The following CIITA variants were observed in gnomAD, a reference collection of about 807,000 sequenced individuals.
CIITA encodes the protein class II major histocompatibility complex transactivator, also known as MHC class II transactivator.
Under a neutral mutation model 115.1 loss-of-function variants are expected in CIITA, and 72 were observed. The ratio of observed to expected loss-of-function variants is 0.63; its 90% CI spans 0.52 to 0.76. The LOEUF is 0.76. Among genes scored for constraint, CIITA ranks in the 30% least tolerant of loss-of-function variants. CIITA has a pLI of 0.00. For synonymous variants in CIITA, 763 were observed against 635.6 expected (o/e 1.20, Z -3.02); for missense variants, 1,617 against 1,463.8 (o/e 1.10, Z -1.71).
intron 3 of CIITA, among the ~76,000 whole-genome samples, chr16:10,897,397 C>T (rs373692697): frequency 2.0e-5 from 3 of 152,194 alleles, no homozygotes; most frequent in Non-Finnish European, 4.4e-5. Flanking sequence ...AATCCATGAA[C>T]GGATTAACCC....
chr16:10,874,756 C>A (rs1216925234), upstream of CIITA, among the ~76,000 whole-genome samples: 1 of 152,070 alleles, frequency 6.6e-6, no homozygotes, highest in Non-Finnish European at 1.5e-5. Context: ...CTGCAGTCAC[C>A]CAGGTGAGAG....
chr16:10,938,801 T>C (rs1004337072), downstream of CIITA: 4 of 152,152 alleles, frequency 2.6e-5, no homozygotes, highest in African/African-American at 7.2e-5. This position sits in a 1 kb window ranked among gnomAD's most constrained non-coding sequence, Gnocchi z 4.9. Flanking sequence ...TTTGCAAGGG[T>C]GTCCCTGAGA....
chr16:10,909,078 G>T lies in CIITA; in HGVS notation c.2707G>T (p.Gly903Trp). ...GCTGTGGGAGTCCCTGCAGCAGCAT[G>T]GGGAGACCAAGCTACTTCAGGCAGC... ...VALWESLQQH[G>W]ETKLLQAAEE... The change falls in exon 12 of 20, where the codon GGG (glycine) becomes TGG (tryptophan). Residue 903 changes from glycine to tryptophan, a missense_variant. Transcript: ENST00000324288. 6.2e-7 allele frequency: 1 copy of T among 1,613,906 alleles called. No homozygotes were observed. The highest frequency in any genetic ancestry group is 8.5e-7 in the Non-Finnish European group (1 of 1,179,784).
At chr16:10,922,086 TG>T in intron 16 of CIITA, 80 bp from the exon 17 acceptor site, 1 of 1,271,770 alleles carries the variant, frequency 7.9e-7, no homozygotes, top group Non-Finnish European at 1.2e-6. Flanking sequence ...AGGCTTTTTC[TG>T]GAATCTAGGG....
chr16:10,871,292 C>T (rs760315198), intron 1 of CIITA, among the ~76,000 whole-genome samples: 42 of 152,166 alleles, frequency 2.8e-4, no homozygotes, highest in Non-Finnish European at 4.9e-4. Context: ...ACAAGCCCAA[C>T]GTGCATGGTG....
intron 1 of CIITA, among the ~76,000 whole-genome samples, chr16:10,880,436 C>A (rs994709929): frequency 2.0e-5 from 3 of 152,234 alleles, no homozygotes; most frequent in African/African-American, 4.8e-5. Context: ...TACTCTCTCC[C>A]TGTTACAAAA....
intron 15 of CIITA, chr16:10,916,964 G>C (rs1445244616): frequency 7.7e-6 from 2 of 259,956 alleles, no homozygotes; most frequent in Non-Finnish European, 1.5e-5. Context: ...TTCTAGTGAG[G>C]AGACACAATG....
chr16:10,923,124 C>T lies in CIITA; in HGVS notation c.3318-104C>T, dbSNP rs929419152. ...ATCTTGCCAGGGGAAAAGTCCCCAA[C>T]GTTCTAGGCTGGGTGGAAGGAGGGA... On this transcript the variant is annotated intron_variant, in intron 18 of 19. Transcript: ENST00000324288. The surrounding 1 kb of genome is among the most constrained non-coding windows in gnomAD (Gnocchi z 5.2). 40 of 983,688 alleles carry T rather than the reference C, an allele frequency of 4.1e-5. No homozygotes were observed. The highest frequency in any genetic ancestry group is 2.6e-4 in the East Asian group (11 of 41,938). 60.9% of individuals were successfully genotyped at this position (983,688 alleles called of 1,614,324 possible). A position where few individuals can be genotyped will look rare whatever the true frequency, so the allele number is the denominator to read the frequency against.
chr16:10,921,415 C>CA (rs2145129993), intron 16 of CIITA, among the ~76,000 whole-genome samples: 1 of 152,348 alleles, frequency 6.6e-6, no homozygotes, highest in African/African-American at 2.4e-5. Flanking sequence ...GTGCTGGTCA[C>CA]ACCCTCTATG....
rs1027362268 is a variant in CIITA at position 10,931,513 on chromosome 16, A to G, written c.*7658A>G. ...GTGTTTATCTGTAGGGTTACCTTCT[A>G]TTTATAGCAAGTGATGCCAAGTTTC... On this transcript the variant is annotated 3_prime_UTR_variant, in exon 20 of 20. Coordinates refer to ENST00000324288, the MANE Select transcript of CIITA (RefSeq NM_000246.4). 2.6e-5 allele frequency: 4 copies of G among 152,210 alleles called. No individual in the cohort carries two copies. Among genetic ancestry groups the G allele is most frequent in the Non-Finnish European group, 4.4e-5 (3 of 68,040 alleles). The allele number at this position is 152,210 out of a possible 1,614,324, so 9.4% of individuals were successfully genotyped here.
At chr16:10,898,863 T>C in intron 4 of CIITA, 62 bp from the exon 5 acceptor site, 1 of 1,597,036 alleles carries the variant, frequency 6.3e-7, no homozygotes, top group South Asian at 1.1e-5. Context: ...GTGGGTACAA[T>C]AGAGACTCAC....
intron 3 of CIITA, 115 bp downstream of exon 3, chr16:10,895,879 T>G: frequency 3.0e-6 from 3 of 1,006,660 alleles, no homozygotes; most frequent in Non-Finnish European, 3.1e-6. Context: ...ACAGAAATCA[T>G]TGCAAGGGGG....
chr16:10,938,863 A>T (rs2041064519), downstream of CIITA: 2 of 152,210 alleles, frequency 1.3e-5, no homozygotes, highest in African/African-American at 4.8e-5. The surrounding 1 kb of genome is among the most constrained non-coding windows in gnomAD (Gnocchi z 4.9). Context: ...AATATGTCGA[A>T]GCATTTGGGA....
At chr16:10,936,764 G>A (rs1324613983), downstream of CIITA, 3 of 152,186 alleles carry the variant, frequency 2.0e-5, no homozygotes, top group East Asian at 5.8e-4. Flanking sequence ...GAACCGGGCT[G>A]GCAGTCTTAG....
chr16:10,904,876 T>C (rs2039032622), intron 10 of CIITA, 64 bp downstream of exon 10: 3 of 1,537,084 alleles, frequency 2.0e-6, no homozygotes, highest in Non-Finnish European at 1.8e-6. Flanking sequence ...TGGCTTCACA[T>C]TGCTCATTCA....
At chr16:10,874,528 A>G (rs2035697873), upstream of CIITA, among the ~76,000 whole-genome samples, 1 of 152,112 alleles carries the variant, frequency 6.6e-6, no homozygotes, top group Admixed American at 6.5e-5. Context: ...TAGACTCTCT[A>G]CCCTGGTGCC....
chr16:10,904,125 T>C (rs1377828565), intron 9 of CIITA, among the ~76,000 whole-genome samples: 1 of 152,236 alleles, frequency 6.6e-6, no homozygotes, highest in African/African-American at 2.4e-5. Flanking sequence ...CTTCAGCTGC[T>C]TGTTACCCAG....
chr16:10,867,281 G>A (rs2035141683), intron 1 of CIITA, among the ~76,000 whole-genome samples: 1 of 145,842 alleles, frequency 6.9e-6, no homozygotes, highest in Admixed American at 6.8e-5. Flanking sequence ...AGAGAAAGGA[G>A]GAGCCAGAGA....
At chr16:10,915,053 T>C (rs1387253371) in intron 13 of CIITA, 2 of 456,266 alleles carry the variant, frequency 4.4e-6, no homozygotes, top group Non-Finnish European at 8.8e-6. Flanking sequence ...TTTTCTTTTT[T>C]TGTTTTTTTT....
Sources: allele counts gnomAD v4.1 joint callset (sites outside exome capture counted in the v4.1 genomes callset), GRCh38; gene constraint gnomAD v4.1.1; non-coding constraint Gnocchi (gnomAD v3.1); transcripts MANE v1.5; gene names NCBI Gene and HGNC (gene_info 2026-07-23, HGNC 2026-07-21).